Variants in SCGB2B2 observed in about 807,000 individuals in gnomAD.
The protein encoded by SCGB2B2 is secretoglobin-like protein.
In SCGB2B2, 11 loss-of-function variants were observed where a neutral mutation model predicts 7.6. The ratio of observed to expected loss-of-function variants is 1.45; its 90% CI spans 0.91 to 2.40. The LOEUF is 2.40. SCGB2B2 is among the 30% of genes most tolerant of loss of function. The pLI, the probability that SCGB2B2 is intolerant of heterozygous loss-of-function variation, is 0.00. For synonymous variants in SCGB2B2, 50 were observed against 48.6 expected (o/e 1.03, Z -0.12); for missense variants, 104 against 115.4 (o/e 0.90, Z 0.45).
At chr19:34,665,252 C>A (rs1479329831) in intron 1 of SCGB2B2, among the ~76,000 whole-genome samples, 2 of 152,234 alleles carry the variant, frequency 1.3e-5, no homozygotes, top group Non-Finnish European at 2.9e-5. Flanking sequence ...GGCGTGCAGC[C>A]TGGACCACAG....
At chr19:34,617,450 G>A (rs1431439317) in intron 1 of SCGB2B2, among the ~76,000 whole-genome samples, 2 of 151,070 alleles carry the variant, frequency 1.3e-5, no homozygotes, top group Non-Finnish European at 2.9e-5. Context: ...TGAAGCAATT[G>A]TGAATGGGAG....
intron 1 of SCGB2B2, among the ~76,000 whole-genome samples, chr19:34,631,170 C>T (rs546930828): frequency 1.4e-3 from 207 of 151,726 alleles, no homozygotes; most frequent in African/African-American, 4.7e-3. Context: ...TGTTAAATGA[C>T]GAGTTAACGG....
intron 1 of SCGB2B2, among the ~76,000 whole-genome samples, chr19:34,620,087 C>T (rs1356316295): frequency 6.6e-6 from 1 of 152,140 alleles, no homozygotes; most frequent in Non-Finnish European, 1.5e-5. Flanking sequence ...AATTGCCTAT[C>T]AGATACTAGC....
intron 1 of SCGB2B2, among the ~76,000 whole-genome samples, chr19:34,667,073 G>A (rs1445517509): frequency 1.3e-5 from 2 of 151,388 alleles, no homozygotes; most frequent in Non-Finnish European, 3.0e-5. Flanking sequence ...CAGCAGGCCC[G>A]GCCACCAGCG....
intron 1 of SCGB2B2, among the ~76,000 whole-genome samples, chr19:34,636,477 A>G (rs1462757878): frequency 6.6e-6 from 1 of 152,218 alleles, no homozygotes; most frequent in Non-Finnish European, 1.5e-5. Context: ...GGAGCACTGA[A>G]CAAAAGGGTG....
In SCGB2B2 at chr19:34,624,972, T is replaced by C. The variant is rs114188267; in HGVS notation, c.-2031-28378A>G. The stretch of plus-strand genomic sequence containing the variant: ...GAGCCTTGGAAATGAAAGTACAGTG[T>C]TGGAGGTCCTCTCCTACTCATCTTT... On this transcript the variant is annotated intron_variant, in intron 1 of 3. Transcript: ENST00000601241. 6.1e-3 allele frequency among the ~76,000 whole-genome samples: 933 copies of C among 152,328 alleles called. 9 individuals are homozygous for C. The highest frequency in any genetic ancestry group is 0.021 in the African/African-American group (877 of 41,572).
At chr19:34,589,995 T>C (rs1600028796), downstream of SCGB2B2, among the ~76,000 whole-genome samples, 3 of 152,140 alleles carry the variant, frequency 2.0e-5, no homozygotes, top group Admixed American at 1.3e-4. Context: ...AACAAGGACA[T>C]AAAACCACCT....
At chr19:34,656,054 T>C (rs1230495937) in intron 1 of SCGB2B2, among the ~76,000 whole-genome samples, 1 of 151,334 alleles carries the variant, frequency 6.6e-6, no homozygotes, top group Non-Finnish European at 1.5e-5. Context: ...TGGTATCATG[T>C]TGACACCAAA....
chr19:34,618,854 T>C (rs2066163375), intron 1 of SCGB2B2, among the ~76,000 whole-genome samples: 1 of 152,204 alleles, frequency 6.6e-6, no homozygotes, highest in South Asian at 2.1e-4. Context: ...CTGCAGATAG[T>C]GTCCAACTCT....
chr19:34,641,798 A>C (rs1481894737), intron 1 of SCGB2B2, among the ~76,000 whole-genome samples: 1 of 152,168 alleles, frequency 6.6e-6, no homozygotes, highest in Non-Finnish European at 1.5e-5. Flanking sequence ...ATTTTACCCC[A>C]AAAATATATT....
chr19:34,639,261 T>C (rs1364033900), intron 1 of SCGB2B2, among the ~76,000 whole-genome samples: 2 of 152,194 alleles, frequency 1.3e-5, no homozygotes, highest in East Asian at 1.9e-4. Context: ...CCTCCCTGTG[T>C]TCCCAATTCA....
intron 1 of SCGB2B2, among the ~76,000 whole-genome samples, chr19:34,660,290 T>C (rs1177822025): frequency 6.6e-6 from 1 of 152,176 alleles, no homozygotes; most frequent in Non-Finnish European, 1.5e-5. Flanking sequence ...AAATGGGATC[T>C]AATTGAACTA....
intron 1 of SCGB2B2, among the ~76,000 whole-genome samples, chr19:34,615,131 C>A (rs548810111): frequency 6.6e-5 from 10 of 152,270 alleles, no homozygotes; most frequent in African/African-American, 2.4e-4. Flanking sequence ...GCCCCCAGAA[C>A]AAGATGCACT....
downstream of SCGB2B2, among the ~76,000 whole-genome samples, chr19:34,587,064 T>A (rs985498380): frequency 6.6e-6 from 1 of 152,092 alleles, no homozygotes; most frequent in Non-Finnish European, 1.5e-5. Context: ...TGTGCTACCA[T>A]GTCTGGCTAA....
At chr19:34,635,216 T>C in intron 1 of SCGB2B2, 1 of 290,266 alleles carries the variant, frequency 3.4e-6, no homozygotes, top group Admixed American at 4.0e-5. Flanking sequence ...GGGTGTATAA[T>C]CATGCTGGAA....
Position 34,652,970 on chromosome 19 carries a change from C to T in SCGB2B2, c.-2032+22660G>A, listed in dbSNP as rs930440168. Among the ~76,000 whole-genome samples the T allele has an allele frequency of 2.7e-5, 4 of 150,734 alleles. 1 individual carries two copies. The highest frequency in any genetic ancestry group is 4.2e-4 in the South Asian group (2 of 4,804). ...GAATCGACTTAAGTGTCCATGAACA[C>T]GTGAACAGATGAAAAAAAATGTGGT... On this transcript the variant is annotated intron_variant, in intron 1 of 3. Coordinates refer to ENST00000601241, the MANE Select transcript of SCGB2B2 (RefSeq NM_001025591.4).
At chr19:34,603,812 T>TTTTTTA (rs1555744409) in intron 1 of SCGB2B2, among the ~76,000 whole-genome samples, 1 of 145,108 alleles carries the variant, frequency 6.9e-6, no homozygotes, top group Non-Finnish European at 1.5e-5. Flanking sequence ...TTTTTTTTTT[T>TTTTTTA]AACAGATAAC....
At chr19:34,605,835 C>T (rs577696139) in intron 1 of SCGB2B2, among the ~76,000 whole-genome samples, 98 of 152,168 alleles carry the variant, frequency 6.4e-4, no homozygotes, top group Non-Finnish European at 1.2e-3. Context: ...CTCAGGTGAT[C>T]CACCCACCTC....
Position 34,594,257 on chromosome 19 carries a change from AG to A in SCGB2B2, c.163del (p.Leu55Ter). 1 of 1,614,006 alleles carries A rather than the reference AG, an allele frequency of 6.2e-7. No individual in the cohort carries two copies. On this transcript the variant is annotated frameshift_variant, in exon 3 of 4. Coordinates refer to ENST00000601241, the MANE Select transcript of SCGB2B2 (RefSeq NM_001025591.4). LOFTEE classifies it high-confidence loss of function. The part of the protein sequence containing the change: ...EELARYNPSP[L>X]TEESFLNVQQ... ...GACATTGAGGAAGGACTCCTCTGTC[AG>A]GGGACTGGGGTTGTAACGAGCAAGC...
Sources: allele counts gnomAD v4.1 joint callset (sites outside exome capture counted in the v4.1 genomes callset), GRCh38; gene constraint gnomAD v4.1.1; transcripts MANE v1.5; gene names NCBI Gene and HGNC (gene_info 2026-07-23, HGNC 2026-07-21).